CPN1: variants seen among roughly 807,000 people sequenced by gnomAD.
CPN1 encodes the protein carboxypeptidase N subunit 1.
Under a neutral mutation model 46.4 loss-of-function variants are expected in CPN1, and 37 were observed. The observed-to-expected ratio is 0.80, with a 90% CI of 0.61 to 1.05. CPN1 has a LOEUF of 1.05. Among genes scored for constraint, CPN1 ranks in the 50% least tolerant of loss-of-function variants. CPN1 has a pLI of 0.00. For synonymous variants in CPN1, 224 were observed against 235.4 expected, an observed-to-expected ratio of 0.95 and a Z score of 0.44; for missense variants, 563 against 602.6, an observed-to-expected ratio of 0.93 and a Z score of 0.69.
In CPN1 at chr10:100,047,781, T is replaced by A. The variant is rs535445380; in HGVS notation, c.1230+977A>T. Among the ~76,000 whole-genome samples, 7 of 151,806 alleles carry A rather than the reference T, an allele frequency of 4.6e-5. No individual in the cohort carries two copies. The South Asian group carries it at 1.5e-3, about 32-fold the overall frequency. On this transcript the variant is annotated intron_variant, in intron 8 of 8. Transcript: ENST00000370418. Reference sequence around the variant, plus strand: ...TGGGCAGATCACCTGAGGTCAGAAGTTCGAGACCAGCCTGACCAACATGGA... The same window carrying A: ...TGGGCAGATCACCTGAGGTCAGAAGATCGAGACCAGCCTGACCAACATGGA...
chr10:100,050,866 A>G (rs1223281627), intron 7 of CPN1, among the ~76,000 whole-genome samples: 6 of 152,188 alleles, frequency 3.9e-5, no homozygotes, highest in Non-Finnish European at 7.3e-5. Flanking sequence ...TCTTGACCTC[A>G]AGCAATTCTC....
intron 1 of CPN1, among the ~76,000 whole-genome samples, 155 bp downstream of exon 1, chr10:100,081,248 G>A (rs540501965): frequency 1.3e-5 from 2 of 152,336 alleles, no homozygotes; most frequent in East Asian, 1.9e-4. Context: ...GGCAGTGGCA[G>A]TTTGAGGGCT....
intron 7 of CPN1, among the ~76,000 whole-genome samples, chr10:100,053,243 C>T (rs1245202143): frequency 6.6e-6 from 1 of 152,148 alleles, no homozygotes; most frequent in African/African-American, 2.4e-5. Flanking sequence ...GGACAGAAAG[C>T]TGAGAGTTCA....
At chr10:100,071,515 G>A (rs1031174167) in intron 2 of CPN1, among the ~76,000 whole-genome samples, 2 of 152,116 alleles carry the variant, frequency 1.3e-5, no homozygotes, top group African/African-American at 4.8e-5. Flanking sequence ...TTCTTACAAG[G>A]ACACCAGTTA....
intron 7 of CPN1, among the ~76,000 whole-genome samples, chr10:100,052,657 G>A (rs1040489730): frequency 2.1e-4 from 32 of 151,924 alleles, no homozygotes; most frequent in Admixed American, 1.1e-3. Context: ...CTTGAGCTCA[G>A]GAGTTCGAGA....
intron 8 of CPN1, among the ~76,000 whole-genome samples, chr10:100,045,957 C>T (rs2133423788): frequency 6.6e-6 from 1 of 152,276 alleles, no homozygotes; most frequent in South Asian, 2.1e-4. Flanking sequence ...TTAAATAGGA[C>T]TGCCTCATTA....
chr10:100,048,482 G>C (rs1194030348), intron 8 of CPN1, among the ~76,000 whole-genome samples: 1 of 152,170 alleles, frequency 6.6e-6, no homozygotes, highest in African/African-American at 2.4e-5. Flanking sequence ...CAGATCACTT[G>C]AGCCCAGGAG....
chr10:100,063,726 C>T lies in CPN1; in HGVS notation c.760-1G>A, dbSNP rs34571976. ...GTGCATAGGAGTAGACCTTGGCCAGCTAGAGGAAAAGCAGGAGGAAAACGA... is the reference window on the plus strand; with the variant it reads ...GTGCATAGGAGTAGACCTTGGCCAGTTAGAGGAAAAGCAGGAGGAAAACGA... On this transcript the variant is annotated splice_acceptor_variant, in intron 4 of 8. Coordinates refer to ENST00000370418, the MANE Select transcript of CPN1 (RefSeq NM_001308.3). LOFTEE classifies it high-confidence loss of function. 2.4e-5 allele frequency: 38 copies of T among 1,612,666 alleles called. No homozygotes were observed. The highest frequency in any genetic ancestry group is 1.5e-4 in the Admixed American group (9 of 59,974).
intron 2 of CPN1, among the ~76,000 whole-genome samples, chr10:100,072,238 T>C (rs185106261): frequency 3.3e-5 from 5 of 152,266 alleles, no homozygotes; most frequent in Admixed American, 1.3e-4. Flanking sequence ...TATAACAGCA[T>C]GATCATGGCT....
chr10:100,078,485 C>A (rs1181556885), intron 1 of CPN1, among the ~76,000 whole-genome samples: 1 of 152,236 alleles, frequency 6.6e-6, no homozygotes, highest in Non-Finnish European at 1.5e-5. Flanking sequence ...CTCCCTGCAG[C>A]TGCCTAGCCC....
Position 100,075,895 on chromosome 10 carries a change from C to A in CPN1, c.420+16G>T. 1 of 1,613,598 alleles carries A rather than the reference C, an allele frequency of 6.2e-7. No individual in the cohort carries two copies. Among genetic ancestry groups the A allele is most frequent in the Non-Finnish European group, 8.5e-7 (1 of 1,179,918 alleles). On this transcript the variant is annotated intron_variant, in intron 2 of 8. Coordinates refer to ENST00000370418, the MANE Select transcript of CPN1 (RefSeq NM_001308.3). ...AGGCCTTGATCTCTCCCCGGCATCT[C>A]CCTTGGACCTCGTACCTGGGCAGCA...
In CPN1 at chr10:100,081,569, G is replaced by C. The variant is rs1222823474; in HGVS notation, c.57C>G (p.Ala19=). The C allele has an allele frequency of 6.8e-6, 11 of 1,614,122 alleles. No homozygotes were observed. The Middle Eastern group carries it at 6.6e-4, about 97-fold the overall frequency. The change falls in exon 1 of 9, where the codon GCC becomes GCG. Residue 19 remains alanine (A), a synonymous_variant. Transcript: ENST00000370418. ...LHLLLLFKLV[A]PVTFRHHRYD... ...AGCGGTGGTGGCGAAAGGTCACCGG[G>C]GCAACCAACTTGAAGAGAAGGAGGA...
At chr10:100,073,531 C>A (rs1024333898) in intron 2 of CPN1, among the ~76,000 whole-genome samples, 2 of 151,384 alleles carry the variant, frequency 1.3e-5, no homozygotes, top group Admixed American at 6.6e-5. Context: ...GGTCAGAAGA[C>A]TAAAACGGGT....
intron 1 of CPN1, 36 bp downstream of exon 1, chr10:100,081,362 GGCCCT>G (rs1180636116): frequency 1.3e-6 from 2 of 1,562,542 alleles, no homozygotes; most frequent in African/African-American, 2.7e-5. Flanking sequence ...GCAAGGGAAA[GGCCCT>G]GCCCCACACA....
intron 2 of CPN1, among the ~76,000 whole-genome samples, chr10:100,073,963 C>T (rs11598979): frequency 0.29 from 44,262 of 151,818 alleles, 6,990 homozygotes; most frequent in Non-Finnish European, 0.36. Context: ...TCAGAGCTCT[C>T]TCTGACTGTG....
At chr10:100,068,547 TTTTG>T (rs936535544) in intron 3 of CPN1, among the ~76,000 whole-genome samples, 2 of 151,756 alleles carry the variant, frequency 1.3e-5, no homozygotes, top group Non-Finnish European at 1.5e-5. Flanking sequence ...TGAACTTTTT[TTTTG>T]TTTGTTTGTT....
Position 100,081,489 on chromosome 10 carries a change from G to C in CPN1, c.137C>G (p.Thr46Arg), listed in dbSNP as rs753854211. The C allele has an allele frequency of 6.2e-7, 1 of 1,614,150 alleles. No homozygotes were observed. The highest frequency in any genetic ancestry group is 1.1e-5 in the South Asian group (1 of 91,084). ...GCTGCGCCCAATGCTGTAGACCCGCGTGATGCCGGGGCATTCGTTTTGCAC... is the reference window on the plus strand; with the variant it reads ...GCTGCGCCCAATGCTGTAGACCCGCCTGATGCCGGGGCATTCGTTTTGCAC... ...YKVQNECPGI[T>R]RVYSIGRSVE... The change falls in exon 1 of 9, where the codon ACG (threonine) becomes AGG (arginine). Residue 46 changes from threonine to arginine, a missense_variant. Coordinates refer to ENST00000370418, the MANE Select transcript of CPN1 (RefSeq NM_001308.3).
chr10:100,049,866 C>G (rs2041339404), intron 7 of CPN1, among the ~76,000 whole-genome samples: 1 of 152,188 alleles, frequency 6.6e-6, no homozygotes, highest in African/African-American at 2.4e-5. Context: ...TACAAACTCC[C>G]CTCCAGTAAA....
At chr10:100,066,998 G>T (rs1429701886) in intron 3 of CPN1, among the ~76,000 whole-genome samples, 2 of 152,220 alleles carry the variant, frequency 1.3e-5, no homozygotes, top group Non-Finnish European at 2.9e-5. Context: ...TTAGACAGAG[G>T]ATTGAGTGGG....
Sources: gnomAD v4.1 joint callset for allele counts (sites outside exome capture counted in the v4.1 genomes callset) on GRCh38, gnomAD v4.1.1 for gene constraint, MANE v1.5 for transcripts, NCBI Gene and HGNC (gene_info 2026-07-23, HGNC 2026-07-21) for gene names.